Variants in EML6 observed in about 807,000 individuals in gnomAD.
The protein encoded by EML6 is EMAP like 6.
EML6 carries 154 observed loss-of-function variants against 240.1 expected under a neutral mutation model. The observed-to-expected ratio is 0.64, with a 90% CI of 0.56 to 0.73. The LOEUF is 0.73. EML6 is among the 30% of genes least tolerant of loss of function. EML6 has a pLI of 0.00. For synonymous variants in EML6, 1,148 were observed against 899.0 expected, an observed-to-expected ratio of 1.28 and a Z score of -4.95; for missense variants, 2,964 against 2,474.6, an observed-to-expected ratio of 1.20 and a Z score of -4.20.
chr2:54,844,200 A>G lies in EML6; in HGVS notation c.1001A>G (p.His334Arg). The G allele has an allele frequency of 6.4e-7, 1 of 1,551,626 alleles. No homozygotes were observed. Among genetic ancestry groups the G allele is most frequent in the Non-Finnish European group, 8.7e-7 (1 of 1,146,984 alleles). ...GGTGAGCTCTGGGCTCTGGCCCTGC[A>G]CCCCAAGAAGCCTCTGGCTGTGACA... ...CEGELWALALHPKKPLAVTGS... is the reference protein window; with the variant it reads ...CEGELWALALRPKKPLAVTGS... The change falls in exon 8 of 42, where the codon CAC becomes CGC. Residue 334 changes from histidine to arginine, a missense_variant. His to Arg is a conservative substitution (Grantham distance 29). Transcript: ENST00000356458.
In EML6 at chr2:54,947,164, C is replaced by G. The variant is rs200100315; in HGVS notation, c.4005-1718C>G. ...CTCATAGCCCCTGGCTTGCTTTTGT[C>G]ATACACTTAAACGTTCTTAGGTGAA... On this transcript the variant is annotated intron_variant, in intron 28 of 41. Transcript: ENST00000356458. Among the ~76,000 whole-genome samples, 25 of 152,216 alleles carry G rather than the reference C, an allele frequency of 1.6e-4. No homozygotes were observed. The East Asian group carries it at 4.6e-3, about 28-fold the overall frequency.
At chr2:54,965,512 G>A (rs955897779) in intron 38 of EML6, among the ~76,000 whole-genome samples, 1 of 152,164 alleles carries the variant, frequency 6.6e-6, no homozygotes, top group Non-Finnish European at 1.5e-5. Context: ...GCGGGAGACC[G>A]GAGTTTTATT....
intron 28 of EML6, among the ~76,000 whole-genome samples, chr2:54,948,290 G>A (rs1675791902): frequency 6.6e-6 from 1 of 152,270 alleles, no homozygotes; most frequent in African/African-American, 2.4e-5. Flanking sequence ...GTCCTGAGGC[G>A]AGGGCGGAGT....
At chr2:54,853,091 A>G (rs535756924) in intron 10 of EML6, among the ~76,000 whole-genome samples, 1 of 152,150 alleles carries the variant, frequency 6.6e-6, no homozygotes, top group Non-Finnish European at 1.5e-5. Context: ...TCATTAATCT[A>G]CTGAGCCTGA....
intron 2 of EML6, among the ~76,000 whole-genome samples, chr2:54,745,941 C>T (rs1379087690): frequency 1.3e-5 from 2 of 152,074 alleles, no homozygotes; most frequent in African/African-American, 4.8e-5. Flanking sequence ...AAATTGTAAA[C>T]CAAATTGTAA....
rs1668110067 is a variant in EML6, at chr2:54,817,003, T to G, written c.456+118T>G. The G allele has an allele frequency of 6.2e-6, 4 of 648,184 alleles. No homozygotes were observed. The East Asian group carries it at 8.4e-5, about 14-fold the overall frequency. 40.2% of individuals were successfully genotyped at this position (648,184 alleles called of 1,614,324 possible). A position where few individuals can be genotyped will look rare whatever the true frequency, so the allele number is the denominator to read the frequency against. On this transcript the variant is annotated intron_variant, in intron 4 of 41. Coordinates refer to ENST00000356458, the MANE Select transcript of EML6 (RefSeq NM_001039753.4). ...TATTTCAGTATACATTTTTTCCTAT[T>G]AAACTTATAATCATCCTCTTTTTTC...
intron 9 of EML6, 98 bp from the exon 10 acceptor site, chr2:54,849,864 C>A: frequency 1.1e-6 from 1 of 940,344 alleles, no homozygotes; most frequent in Non-Finnish European, 1.6e-6. Context: ...AGGTTTGGTT[C>A]TCTTTCAACA....
chr2:54,942,935 G>T (rs764278402), intron 28 of EML6, among the ~76,000 whole-genome samples: 8 of 152,008 alleles, frequency 5.3e-5, no homozygotes, highest in Admixed American at 1.3e-4. Context: ...TCCCAGTCCT[G>T]TTGGCCCTTC....
chr2:54,882,022 A>G (rs1477718843), intron 17 of EML6: 1 of 152,228 alleles, frequency 6.6e-6, no homozygotes, highest in Non-Finnish European at 1.5e-5. Flanking sequence ...CAGCTGTGCA[A>G]CCAGGCACTC....
intron 17 of EML6, 37 bp downstream of exon 17, chr2:54,879,677 T>C: frequency 8.1e-7 from 1 of 1,232,000 alleles, no homozygotes; most frequent in Non-Finnish European, 1.2e-6. Flanking sequence ...ATCCTGCTGA[T>C]ACCACGGTTC....
Position 54,853,025 on chromosome 2 carries a change from T to C in EML6, c.1445-618T>C, listed in dbSNP as rs1228381499. Among the ~76,000 whole-genome samples the C allele has an allele frequency of 2.0e-5, 3 of 152,224 alleles. No homozygotes were observed. In the East Asian group the frequency reaches 5.8e-4, roughly 29 times the overall value. On this transcript the variant is annotated intron_variant, in intron 10 of 41. Coordinates refer to ENST00000356458, the MANE Select transcript of EML6 (RefSeq NM_001039753.4). ...ATTACATTTTATTTCATCATAATCTTGTAGATTTTCAGTGCCTAGTACTTA... is the reference window on the plus strand; with the variant it reads ...ATTACATTTTATTTCATCATAATCTCGTAGATTTTCAGTGCCTAGTACTTA...
chr2:54,961,539 G>T (rs1398638118), intron 35 of EML6, among the ~76,000 whole-genome samples: 1 of 151,926 alleles, frequency 6.6e-6, no homozygotes, highest in Non-Finnish European at 1.5e-5. Flanking sequence ...AGCTTGAGCT[G>T]TCCAAGAACA....
intron 2 of EML6, among the ~76,000 whole-genome samples, chr2:54,808,423 G>A (rs866424734): frequency 3.3e-5 from 5 of 152,068 alleles, no homozygotes; most frequent in Non-Finnish European, 7.3e-5. Flanking sequence ...TAATTTTGAT[G>A]TGCCTCTGCC....
chr2:54,943,978 A>G (rs1305041980), intron 28 of EML6, among the ~76,000 whole-genome samples: 1 of 152,130 alleles, frequency 6.6e-6, no homozygotes, highest in Admixed American at 6.6e-5. Flanking sequence ...CCTTTTTGAA[A>G]GAATCTCTCT....
At chr2:54,728,229 G>C (rs904602192) in intron 2 of EML6, among the ~76,000 whole-genome samples, 2 of 152,158 alleles carry the variant, frequency 1.3e-5, no homozygotes, top group Non-Finnish European at 2.9e-5. Context: ...ATAGAGACTG[G>C]GATAATTACT....
chr2:54,939,018 C>G (rs1415307965), intron 28 of EML6, among the ~76,000 whole-genome samples: 1 of 152,236 alleles, frequency 6.6e-6, no homozygotes, highest in Non-Finnish European at 1.5e-5. Context: ...CTGTTTTATA[C>G]ACTGCTTTAT....
chr2:54,859,841 G>T (rs1189296163), intron 12 of EML6, 140 bp downstream of exon 12: 1 of 683,692 alleles, frequency 1.5e-6, no homozygotes, highest in Non-Finnish European at 2.3e-6. Flanking sequence ...TTTAAGATAA[G>T]AAGAAACTTT....
rs1421060223 is a variant in EML6 at position 54,850,002 on chromosome 2, G to A, written c.1228G>A (p.Val410Ile). ...EVVHIKDRKE[V>I]IHEMKFSPDG... is the part of the protein sequence containing the mutation. ...AGTTCACATCAAAGATCGAAAAGAA[G>A]TCATTCATGAAATGAAATTTTCTCC... Residue 410 changes from valine (V) to isoleucine (I), a missense_variant, in exon 10 of 42, where the codon GTC becomes ATC. Coordinates refer to ENST00000356458, the MANE Select transcript of EML6 (RefSeq NM_001039753.4). 1 of 1,551,436 alleles carries A rather than the reference G, an allele frequency of 6.4e-7. No individual in the cohort carries two copies. Among genetic ancestry groups the A allele is most frequent in the Non-Finnish European group, 8.7e-7 (1 of 1,146,834 alleles).
intron 2 of EML6, among the ~76,000 whole-genome samples, chr2:54,782,123 A>G (rs890665756): frequency 2.0e-5 from 3 of 152,228 alleles, no homozygotes; most frequent in African/African-American, 4.8e-5. Flanking sequence ...TAAAACATTT[A>G]AAATAAGTCT....
Sources: allele counts gnomAD v4.1 joint callset (sites outside exome capture counted in the v4.1 genomes callset), GRCh38; gene constraint gnomAD v4.1.1; transcripts MANE v1.5; gene names NCBI Gene and HGNC (gene_info 2026-07-23, HGNC 2026-07-21).